Variants in THAP6 observed in about 807,000 individuals in gnomAD.
THAP6 encodes the protein THAP domain-containing protein 6.
Under a neutral mutation model 20.0 loss-of-function variants are expected in THAP6, and 13 were observed. The ratio of observed to expected loss-of-function variants is 0.65; its 90% CI spans 0.42 to 1.03. The LOEUF (loss-of-function observed/expected upper bound fraction) is 1.03. Ranked by LOEUF, THAP6 falls within the 50% of genes least tolerant of loss-of-function variation. The pLI, the probability that THAP6 is intolerant of heterozygous loss-of-function variation, is 0.00. For missense variants in THAP6, 262 were observed against 261.6 expected (o/e 1.00, Z -0.01); for synonymous variants, 93 against 92.2 (o/e 1.01, Z -0.05).
At chr4:75,526,871 G>C in intron 4 of THAP6, 89 bp from the exon 5 acceptor site, 1 of 1,510,052 alleles carries the variant, frequency 6.6e-7, no homozygotes, top group Non-Finnish European at 8.8e-7. Flanking sequence ...TCCAGGCATT[G>C]TAAATGAAGA....
chr4:75,529,232 A>G lies in THAP6; in HGVS notation c.*2018A>G, dbSNP rs960667852. 2.0e-6 allele frequency: 2 copies of G among 984,906 alleles called. No homozygotes were observed. The highest frequency in any genetic ancestry group is 3.5e-5 in the African/African-American group (2 of 57,202). 61.0% of individuals were successfully genotyped at this position (984,906 alleles called of 1,614,324 possible). On this transcript the variant is annotated 3_prime_UTR_variant, in exon 5 of 5. Transcript: ENST00000311638. ...TGAATATATAAATTAAAGTAAGACA[A>G]TGGAGTAAGTAAGAGGGTAGATCCA... is the stretch of plus-strand genomic sequence containing the variant.
At chr4:75,525,741 G>T (rs1016268107) in intron 4 of THAP6, among the ~76,000 whole-genome samples, 2 of 152,184 alleles carry the variant, frequency 1.3e-5, no homozygotes, top group African/African-American at 4.8e-5. Context: ...AGTACAGTTA[G>T]TTAGAAACTG....
intron 2 of THAP6, chr4:75,539,935 C>T (rs1726960868): frequency 6.5e-7 from 1 of 1,535,830 alleles, no homozygotes; most frequent in South Asian, 1.2e-5. Flanking sequence ...TAGGGAATGG[C>T]AAGTGGACAG....
chr4:75,546,396 C>T (rs183369625), intron 3 of THAP6, among the ~76,000 whole-genome samples: 3 of 152,346 alleles, frequency 2.0e-5, no homozygotes, highest in African/African-American at 7.2e-5. Context: ...TTAGTCCTCC[C>T]ACACATCTCC....
intron 3 of THAP6, among the ~76,000 whole-genome samples, chr4:75,518,890 T>C (rs1725835000): frequency 6.6e-6 from 1 of 151,316 alleles, no homozygotes; most frequent in African/African-American, 2.5e-5. Flanking sequence ...GAGAAACCTA[T>C]GTAGAACATC....
chr4:75,528,838 C>T lies in THAP6; in HGVS notation c.*1624C>T. The stretch of plus-strand genomic sequence containing the variant: ...CCAAGGCAGGCAGATCACTTGAGGT[C>T]AGGGGTTCAAAACCAGCCTGGCCAA... On this transcript the variant is annotated 3_prime_UTR_variant, in exon 5 of 5. Coordinates refer to ENST00000311638, the MANE Select transcript of THAP6 (RefSeq NM_144721.6). 1.1e-6 allele frequency: 1 copy of T among 919,790 alleles called. No homozygotes were observed. Among genetic ancestry groups the T allele is most frequent in the Non-Finnish European group, 1.3e-6 (1 of 770,730 alleles). 57.0% of individuals were successfully genotyped at this position (919,790 alleles called of 1,614,324 possible). A position where few individuals can be genotyped will look rare whatever the true frequency, so the allele number is the denominator to read the frequency against.
At chr4:75,535,120 T>C (rs1162967639) in intron 2 of THAP6, among the ~76,000 whole-genome samples, 2 of 152,202 alleles carry the variant, frequency 1.3e-5, no homozygotes, top group African/African-American at 4.8e-5. Flanking sequence ...AAACTCCTGT[T>C]TTTTAAGAAA....
Position 75,514,519 on chromosome 4 carries a change from C to T in THAP6, c.-22C>T. 3.9e-6 allele frequency: 2 copies of T among 507,020 alleles called. No individual in the cohort carries two copies. Among genetic ancestry groups the T allele is most frequent in the East Asian group, 3.0e-5 (1 of 33,776 alleles). 31.4% of individuals were successfully genotyped at this position (507,020 alleles called of 1,614,324 possible). On this transcript the variant is annotated splice_region_variant and 5_prime_UTR_variant, in exon 1 of 5. It adds an upstream start codon to the 5' untranslated region. Coordinates refer to ENST00000311638, the MANE Select transcript of THAP6 (RefSeq NM_144721.6). The stretch of plus-strand genomic sequence containing the variant: ...CGTTAGTCGCAGTCTTCGCTGCTAA[C>T]GGTAATAACTCTTAGGTTGCCTGTT...
In THAP6 at chr4:75,515,523, C is replaced by T. The variant is rs1201947856; in HGVS notation, c.71C>T (p.Thr24Ile). ...CCAAATTCGAAGTTAAAAGGACTGA[C>T]ATTTCACGTGTAAGATTTTGCTGTA... Reference protein sequence around the residue: ...CLPNSKLKGLTFHVFPTDENI... With the variant: ...CLPNSKLKGLIFHVFPTDENI... The change falls in exon 2 of 5, where the codon ACA becomes ATA. Residue 24 changes from threonine (T) to isoleucine (I), a missense_variant. By Grantham distance (89) the Thr-to-Ile change is moderately conservative (BLOSUM62 -1). Transcript: ENST00000311638. The T allele has an allele frequency of 1.9e-6, 3 of 1,613,776 alleles. No homozygotes were observed. The highest frequency in any genetic ancestry group is 4.5e-5 in the East Asian group (2 of 44,862).
chr4:75,523,754 C>T (rs1460797854), intron 4 of THAP6, among the ~76,000 whole-genome samples: 2 of 146,842 alleles, frequency 1.4e-5, no homozygotes, highest in Admixed American at 1.4e-4. Flanking sequence ...TGAGCTTGAT[C>T]GCATTCACTG....
At position 75,528,644 on chromosome 4, in the gene THAP6, C is replaced by G; in HGVS notation, c.*1430C>G. 1 of 984,956 alleles carries G rather than the reference C, an allele frequency of 1.0e-6. No homozygotes were observed. Among genetic ancestry groups the G allele is most frequent in the Non-Finnish European group, 1.2e-6 (1 of 829,714 alleles). The allele number at this position is 984,956 out of a possible 1,614,324, so 61.0% of individuals were successfully genotyped here. ...TATACTTTTATGTAGGATTCCAAACCTTCCCTCTAAATGGGATTTAACCCA... is the reference window on the plus strand; with the variant it reads ...TATACTTTTATGTAGGATTCCAAACGTTCCCTCTAAATGGGATTTAACCCA... On this transcript the variant is annotated 3_prime_UTR_variant, in exon 5 of 5. Coordinates refer to ENST00000311638, the MANE Select transcript of THAP6 (RefSeq NM_144721.6).
downstream of THAP6, among the ~76,000 whole-genome samples, chr4:75,530,446 G>C (rs1396855970): frequency 6.6e-6 from 1 of 152,138 alleles, no homozygotes; most frequent in East Asian, 1.9e-4. Context: ...AAATTTTACT[G>C]ATGTTTATAG....
chr4:75,535,044 A>G (rs889819445), intron 2 of THAP6, among the ~76,000 whole-genome samples: 3 of 152,204 alleles, frequency 2.0e-5, no homozygotes, highest in African/African-American at 7.2e-5. Flanking sequence ...CAGCCATCCC[A>G]TTACTGGGTA....
At chr4:75,542,715 CTT>C (rs1578284656) in intron 3 of THAP6, 2 of 383,058 alleles carry the variant, frequency 5.2e-6, no homozygotes, top group Non-Finnish European at 9.3e-6. Flanking sequence ...GAGCCAGAGA[CTT>C]TTGTTTTGTT....
upstream of THAP6, chr4:75,514,082 G>T: frequency 1.3e-6 from 2 of 1,481,732 alleles, no homozygotes; most frequent in South Asian, 1.3e-5. Flanking sequence ...GGTGGAAAAG[G>T]TATCCTGAAA....
At chr4:75,536,648 C>G (rs571412549) in intron 2 of THAP6, among the ~76,000 whole-genome samples, 7 of 152,288 alleles carry the variant, frequency 4.6e-5, no homozygotes, top group Admixed American at 3.3e-4. Context: ...CCTGGGACTA[C>G]AGGTGTGCAC....
exon 3 of THAP6, chr4:75,542,482 A>G (rs1357032785): frequency 1.4e-6 from 1 of 702,430 alleles, no homozygotes; most frequent in Non-Finnish European, 2.6e-6. Flanking sequence ...GCTAACATTT[A>G]TAAGGTGCCA....
At position 75,526,957 on chromosome 4, in the gene THAP6, T is replaced by C. The variant is rs1726410025; in HGVS notation, c.415-3T>C. ...TTTAATAACTTGGTGTTTATGTTTT[T>C]AGGAACATAGCTACAGTGTAATGGA... On this transcript the variant is annotated splice_region_variant and splice_polypyrimidine_tract_variant and intron_variant, in intron 4 of 4. Transcript: ENST00000311638. The C allele has an allele frequency of 6.2e-7, 1 of 1,610,452 alleles. No homozygotes were observed. Among genetic ancestry groups the C allele is most frequent in the Non-Finnish European group, 8.5e-7 (1 of 1,177,682 alleles).
rs973564619 is a variant in THAP6, at chr4:75,528,456, G to A, written c.*1242G>A. The A allele has an allele frequency of 3.0e-6, 3 of 985,350 alleles. No individual in the cohort carries two copies. The highest frequency in any genetic ancestry group is 3.6e-6 in the Non-Finnish European group (3 of 829,866). The allele number at this position is 985,350 out of a possible 1,614,324, so 61.0% of individuals were successfully genotyped here. ...ACCTCATTCAGAAGTCCATGTTGTAGCAGTTAGAATTTGAGTATCAGCCAT... is the reference window on the plus strand; with the variant it reads ...ACCTCATTCAGAAGTCCATGTTGTAACAGTTAGAATTTGAGTATCAGCCAT... On this transcript the variant is annotated 3_prime_UTR_variant, in exon 5 of 5. Coordinates refer to ENST00000311638, the MANE Select transcript of THAP6 (RefSeq NM_144721.6).
Sources: allele counts gnomAD v4.1 joint callset (sites outside exome capture counted in the v4.1 genomes callset), GRCh38; gene constraint gnomAD v4.1.1; transcripts MANE v1.5; gene names NCBI Gene and HGNC (gene_info 2026-07-23, HGNC 2026-07-21).